Variants in FAF1 observed in about 807,000 individuals in gnomAD.
The protein encoded by FAF1 is FAS-associated factor 1.
In FAF1, 25 loss-of-function variants were observed where a neutral mutation model predicts 92.5. That is an observed-to-expected ratio of 0.27 (90% CI 0.20 to 0.38). The LOEUF (loss-of-function observed/expected upper bound fraction) is 0.38. Among genes scored for constraint, FAF1 ranks in the 10% least tolerant of loss-of-function variants. The probability of loss-of-function intolerance (pLI) is 1.00; values close to 1 mark genes in which losing one functional copy is unlikely to be tolerated. For synonymous variants in FAF1, 234 were observed against 273.2 expected (o/e 0.86, Z 1.42); for missense variants, 636 against 793.3 (o/e 0.80, Z 2.38).
chr1:50,615,707 G>A (rs938607550), intron 8 of FAF1, among the ~76,000 whole-genome samples: 3 of 151,920 alleles, frequency 2.0e-5, no homozygotes, highest in Non-Finnish European at 4.4e-5. Flanking sequence ...TTTTTAATGG[G>A]CTTGTTTTCT....
chr1:50,488,189 T>C (rs1572778296), intron 17 of FAF1, among the ~76,000 whole-genome samples: 1 of 152,282 alleles, frequency 6.6e-6, no homozygotes, highest in East Asian at 1.9e-4. Context: ...GTTTAAGTAA[T>C]GACTAGGTGC....
At chr1:50,848,419 T>A (rs191569227) in intron 2 of FAF1, among the ~76,000 whole-genome samples, 1 of 152,324 alleles carries the variant, frequency 6.6e-6, no homozygotes, top group African/African-American at 2.4e-5. Context: ...CTAGGATAAC[T>A]ACTAAAAATA....
intron 1 of FAF1, among the ~76,000 whole-genome samples, chr1:50,895,335 T>C (rs1324461902): frequency 1.3e-5 from 2 of 152,100 alleles, no homozygotes; most frequent in African/African-American, 4.8e-5. Context: ...AAAATGTGAA[T>C]AGACCAGTAA....
At chr1:50,571,631 C>T (rs1467786942) in intron 12 of FAF1, among the ~76,000 whole-genome samples, 1 of 152,168 alleles carries the variant, frequency 6.6e-6, no homozygotes, top group Non-Finnish European at 1.5e-5. Context: ...GTCTGGGATG[C>T]TTATTGTGTC....
chr1:50,575,090 AAT>A (rs1289437261), intron 12 of FAF1, among the ~76,000 whole-genome samples: 1 of 151,602 alleles, frequency 6.6e-6, no homozygotes, highest in African/African-American at 2.4e-5. Context: ...TTGTATTTTT[AAT>A]AGAGACGGGG....
chr1:50,446,015 C>G (rs188987413), intron 18 of FAF1, among the ~76,000 whole-genome samples: 189 of 152,242 alleles, frequency 1.2e-3, no homozygotes, highest in African/African-American at 4.3e-3. Context: ...TTCTAAAAAG[C>G]CTATCACTGC....
At chr1:50,537,065 T>C (rs1019918014) in intron 14 of FAF1, among the ~76,000 whole-genome samples, 1 of 152,148 alleles carries the variant, frequency 6.6e-6, no homozygotes, top group African/African-American at 2.4e-5. Flanking sequence ...GTAGCTGGGA[T>C]TATAGGTATG....
rs189638933 is a variant in FAF1 at position 50,656,971 on chromosome 1, G to A, written c.658-1443C>T. On this transcript the variant is annotated intron_variant, in intron 7 of 18. Coordinates refer to ENST00000396153, the MANE Select transcript of FAF1 (RefSeq NM_007051.3). ...CACATCTGTAATCCCAGAATTTTAGGAGGTCAAGGTACAAGGATCACTTGA... is the reference window on the plus strand; with the variant it reads ...CACATCTGTAATCCCAGAATTTTAGAAGGTCAAGGTACAAGGATCACTTGA... Among the ~76,000 whole-genome samples the A allele has an allele frequency of 3.4e-3, 520 of 152,234 alleles. 5 individuals carry two copies. Among genetic ancestry groups the A allele is most frequent in the Non-Finnish European group, 5.7e-3 (389 of 68,014 alleles).
At chr1:50,913,202 C>T (rs894149254) in intron 1 of FAF1, among the ~76,000 whole-genome samples, 23 of 152,262 alleles carry the variant, frequency 1.5e-4, no homozygotes, top group African/African-American at 5.5e-4. Context: ...TGTTATAACC[C>T]AATACATAGC....
intron 7 of FAF1, among the ~76,000 whole-genome samples, chr1:50,662,906 A>T (rs1430761397): frequency 6.6e-6 from 1 of 151,126 alleles, no homozygotes; most frequent in Non-Finnish European, 1.5e-5. Context: ...TTCACCATTC[A>T]CAGGATGGTC....
At chr1:50,554,388 TATAGAGAGAGAGAG>T (rs1649461146) in intron 13 of FAF1, among the ~76,000 whole-genome samples, 1 of 100,684 alleles carries the variant, frequency 9.9e-6, no homozygotes, top group Middle Eastern at 5.1e-3. Context: ...TATATATATA[TATAGAGAGAGAGAG>T]AGAGAGAGAG....
At chr1:50,601,812 G>T (rs1652150806) in intron 8 of FAF1, among the ~76,000 whole-genome samples, 1 of 151,302 alleles carries the variant, frequency 6.6e-6, no homozygotes, top group South Asian at 2.1e-4. Context: ...ATATACATAT[G>T]AATTAGTTCT....
At chr1:50,891,675 T>C (rs1303673090) in intron 1 of FAF1, among the ~76,000 whole-genome samples, 2 of 152,220 alleles carry the variant, frequency 1.3e-5, no homozygotes, top group African/African-American at 2.4e-5. Context: ...GAACAGCGAA[T>C]ACTGCTGAAC....
intron 7 of FAF1, among the ~76,000 whole-genome samples, chr1:50,672,565 G>A (rs930331848): frequency 2.6e-5 from 4 of 152,142 alleles, no homozygotes; most frequent in African/African-American, 7.2e-5. Flanking sequence ...TTATAGGCGT[G>A]AGCCACGGCG....
intron 18 of FAF1, among the ~76,000 whole-genome samples, chr1:50,444,937 A>T (rs1202832236): frequency 6.6e-6 from 1 of 152,020 alleles, no homozygotes; most frequent in Non-Finnish European, 1.5e-5. Flanking sequence ...GGATGGGTGA[A>T]CTCTCTGCTG....
chr1:50,622,178 T>G (rs80266206), intron 8 of FAF1, among the ~76,000 whole-genome samples: 1,618 of 133,468 alleles, frequency 0.012, 28 homozygotes, highest in African/African-American at 0.037. Context: ...AAAAAAAAAA[T>G]AAAAAGAAAA....
At chr1:50,893,792 T>G (rs1644737745) in intron 1 of FAF1, among the ~76,000 whole-genome samples, 1 of 152,174 alleles carries the variant, frequency 6.6e-6, no homozygotes, top group African/African-American at 2.4e-5. Context: ...AATTTCCCCC[T>G]AGGCCTTAGG....
chr1:50,895,711 T>C (rs576972765), intron 1 of FAF1, among the ~76,000 whole-genome samples: 9 of 152,302 alleles, frequency 5.9e-5, no homozygotes, highest in Non-Finnish European at 1.2e-4. Flanking sequence ...GTGATATTTA[T>C]CCCAGAGATG....
At chr1:50,840,716 C>A (rs1392656743) in intron 2 of FAF1, among the ~76,000 whole-genome samples, 1 of 152,118 alleles carries the variant, frequency 6.6e-6, no homozygotes, top group African/African-American at 2.4e-5. Flanking sequence ...CAGGCCCAAT[C>A]AGGCAATTGA....
Sources: allele counts gnomAD v4.1 joint callset (sites outside exome capture counted in the v4.1 genomes callset), GRCh38; gene constraint gnomAD v4.1.1; transcripts MANE v1.5; gene names NCBI Gene and HGNC (gene_info 2026-07-23, HGNC 2026-07-21).